LZIC: variants seen among roughly 807,000 people sequenced by gnomAD.
LZIC encodes protein LZIC.
LZIC carries 28 observed loss-of-function variants against 25.4 expected under a neutral mutation model. That is an observed-to-expected ratio of 1.10 (90% CI 0.82 to 1.51). The LOEUF is 1.51. LZIC is among the 40% of genes most tolerant of loss of function. The pLI, the probability that LZIC is intolerant of heterozygous loss-of-function variation, is 0.00. For synonymous variants in LZIC, 65 were observed against 70.7 expected (o/e 0.92, Z 0.40); for missense variants, 170 against 211.1 (o/e 0.81, Z 1.21).
downstream of LZIC, among the ~76,000 whole-genome samples, chr1:9,923,074 GAA>G (rs1296732999): frequency 6.6e-6 from 1 of 152,148 alleles, no homozygotes; most frequent in African/African-American, 2.4e-5. Flanking sequence ...TCCAGGAAAG[GAA>G]AAGACAGGAG....
At chr1:9,935,754 ATAG>A (rs1557441164) in intron 3 of LZIC, 127 bp from the exon 4 acceptor site, 5 of 861,794 alleles carry the variant, frequency 5.8e-6, no homozygotes, top group African/African-American at 3.4e-5. Flanking sequence ...ATGTGTTCAC[ATAG>A]TAGTAGTGAG....
In LZIC at chr1:9,927,568, T is replaced by C. The variant is rs370847470; in HGVS notation, c.*2831A>G. ...CGCCCACCTCTGCCTCCCAGAGTTC[T>C]GAGATTACATGCGTGAGCCACTGTG... On this transcript the variant is annotated 3_prime_UTR_variant, in exon 8 of 8. Coordinates refer to ENST00000377223, the MANE Select transcript of LZIC (RefSeq NM_032368.5). 7.9e-5 allele frequency among the ~76,000 whole-genome samples: 12 copies of C among 151,792 alleles called. No homozygotes were observed. In the East Asian group the frequency reaches 2.3e-3, roughly 29 times the overall value.
In LZIC at chr1:9,930,359, C is replaced by T; in HGVS notation, c.*40G>A. On this transcript the variant is annotated 3_prime_UTR_variant, in exon 8 of 8. Transcript: ENST00000377223. ...AACCCCAGAAGAAAGACACCATTTA[C>T]ATTAAGAATGTGATCAATGTTACAA... 6.2e-7 allele frequency: 1 copy of T among 1,603,498 alleles called. No homozygotes were observed. Among genetic ancestry groups the T allele is most frequent in the Non-Finnish European group, 8.5e-7 (1 of 1,175,492 alleles).
At chr1:9,932,739 C>A in intron 6 of LZIC, 64 bp downstream of exon 6, 5 of 802,672 alleles carry the variant, frequency 6.2e-6, no homozygotes, top group South Asian at 3.1e-5. Context: ...GACCACAGAT[C>A]AAGATGTTCT....
intron 7 of LZIC, 91 bp from the exon 8 acceptor site, chr1:9,930,548 T>G: frequency 6.5e-7 from 1 of 1,546,944 alleles, no homozygotes; most frequent in South Asian, 1.2e-5. Context: ...CATATAGATA[T>G]TAAAACAGAA....
Position 9,929,999 on chromosome 1 carries a change from C to T in LZIC, c.*400G>A. On this transcript the variant is annotated 3_prime_UTR_variant, in exon 8 of 8. Coordinates refer to ENST00000377223, the MANE Select transcript of LZIC (RefSeq NM_032368.5). ...ATGAACACTTATGAAGTCTATTGAGCTTGCGTCACTGTTCACTCCAATGAG... is the reference window on the plus strand; with the variant it reads ...ATGAACACTTATGAAGTCTATTGAGTTTGCGTCACTGTTCACTCCAATGAG... 1.0e-6 allele frequency: 1 copy of T among 993,952 alleles called. No homozygotes were observed. The highest frequency in any genetic ancestry group is 1.2e-6 in the Non-Finnish European group (1 of 834,458). 61.6% of individuals were successfully genotyped at this position (993,952 alleles called of 1,614,324 possible).
chr1:9,934,175 C>T (rs1208768907), intron 5 of LZIC, among the ~76,000 whole-genome samples: 1 of 151,676 alleles, frequency 6.6e-6, no homozygotes, highest in Non-Finnish European at 1.5e-5. Context: ...TTGTACTGAA[C>T]CGAGATTGCG....
intron 2 of LZIC, among the ~76,000 whole-genome samples, chr1:9,940,257 A>G (rs962161865): frequency 5.9e-5 from 9 of 151,970 alleles, no homozygotes; most frequent in Non-Finnish European, 1.0e-4. Flanking sequence ...GCTCACTGCA[A>G]GCTCCGCCTC....
Position 9,930,016 on chromosome 1 carries a change from T to C in LZIC, c.*383A>G. 9.9e-7 allele frequency: 1 copy of C among 1,005,672 alleles called. No homozygotes were observed. The highest frequency in any genetic ancestry group is 5.0e-4 in the Middle Eastern group (1 of 1,986). The allele number at this position is 1,005,672 out of a possible 1,614,324, so 62.3% of individuals were successfully genotyped here. The stretch of plus-strand genomic sequence containing the variant: ...CTATTGAGCTTGCGTCACTGTTCAC[T>C]CCAATGAGTGGGGATAAGTTGTAAG... On this transcript the variant is annotated 3_prime_UTR_variant, in exon 8 of 8. Transcript: ENST00000377223.
chr1:9,939,673 T>C (rs1640621912), intron 2 of LZIC, among the ~76,000 whole-genome samples: 1 of 151,956 alleles, frequency 6.6e-6, no homozygotes, highest in South Asian at 2.1e-4. Context: ...TTTCTTGCTA[T>C]TTACATTATT....
At chr1:9,934,520 T>C (rs1009083144) in intron 5 of LZIC, among the ~76,000 whole-genome samples, 19 of 152,212 alleles carry the variant, frequency 1.2e-4, no homozygotes, top group African/African-American at 4.6e-4. Flanking sequence ...CAGAAGTAAA[T>C]GGTAAAACAT....
chr1:9,940,586 G>C (rs1303652561), intron 2 of LZIC, among the ~76,000 whole-genome samples: 3 of 152,136 alleles, frequency 2.0e-5, no homozygotes, highest in African/African-American at 7.2e-5. Flanking sequence ...CCAAAGTGCT[G>C]GGGTTACAGG....
intron 4 of LZIC, among the ~76,000 whole-genome samples, chr1:9,935,167 C>T (rs1366310533): frequency 6.6e-6 from 1 of 151,952 alleles, no homozygotes; most frequent in East Asian, 1.9e-4. Context: ...CAGTGGCTCA[C>T]GCTTGTAATC....
At chr1:9,943,025 G>C in intron 1 of LZIC, 1 of 316,806 alleles carries the variant, frequency 3.2e-6, no homozygotes, top group Non-Finnish European at 6.4e-6. Flanking sequence ...GCTTGGAAAA[G>C]GTAAGGGCGG....
At chr1:9,926,152 T>A (rs1013778156), downstream of LZIC, among the ~76,000 whole-genome samples, 2 of 152,128 alleles carry the variant, frequency 1.3e-5, no homozygotes, top group African/African-American at 4.8e-5. Flanking sequence ...CCCAAAGTGC[T>A]GGGATTACAG....
In LZIC at chr1:9,934,694, A is replaced by C. The variant is rs192438752; in HGVS notation, c.336+68T>G. On this transcript the variant is annotated intron_variant, in intron 5 of 7. Transcript: ENST00000377223. ...ACCTGGCAAATTTTTAAGCCATAGG[A>C]TATCATAATGAATTGGCCTAGGAAA... is the stretch of plus-strand genomic sequence containing the variant. 5.7e-5 allele frequency: 77 copies of C among 1,342,806 alleles called. No homozygotes were observed. In the African/African-American group the frequency reaches 9.6e-4, roughly 17 times the overall value. The allele number at this position is 1,342,806 out of a possible 1,614,324, so 83.2% of individuals were successfully genotyped here.
chr1:9,930,513 C>T, intron 7 of LZIC, 56 bp from the exon 8 acceptor site: 1 of 1,602,162 alleles, frequency 6.2e-7, no homozygotes, highest in Non-Finnish European at 8.5e-7. Context: ...AGTTGCAATT[C>T]CTGGTAAAGT....
In LZIC at chr1:9,937,662, T is replaced by C. The variant is rs112830671; in HGVS notation, c.-8-1035A>G. Among the ~76,000 whole-genome samples the C allele has an allele frequency of 8.6e-3, 1,299 of 151,710 alleles. 21 individuals carry two copies. The highest frequency in any genetic ancestry group is 0.03 in the African/African-American group (1,247 of 41,404). Reference sequence around the variant, plus strand: ...AGGAGTTCGAGACCAGCCTGGCCAATATAGTGAGACTTCATCTCTACAAAG... The same window carrying C: ...AGGAGTTCGAGACCAGCCTGGCCAACATAGTGAGACTTCATCTCTACAAAG... On this transcript the variant is annotated intron_variant, in intron 2 of 7. Transcript: ENST00000377223.
chr1:9,930,664 T>A (rs1232161055), intron 7 of LZIC, among the ~76,000 whole-genome samples: 1 of 152,224 alleles, frequency 6.6e-6, no homozygotes, highest in African/African-American at 2.4e-5. Flanking sequence ...GGGGGACTTA[T>A]TAGTTATAAA....
Sources: allele counts gnomAD v4.1 joint callset (sites outside exome capture counted in the v4.1 genomes callset), GRCh38; gene constraint gnomAD v4.1.1; transcripts MANE v1.5; gene names NCBI Gene and HGNC (gene_info 2026-07-23, HGNC 2026-07-21).